Variants in RMC1 observed in about 807,000 individuals in gnomAD.
The protein encoded by RMC1 is regulator of MON1-CCZ1 complex.
RMC1 carries 44 observed loss-of-function variants against 95.5 expected under a neutral mutation model. The ratio of observed to expected loss-of-function variants is 0.46; its 90% CI spans 0.36 to 0.59. RMC1 has a LOEUF of 0.59. Among genes scored for constraint, RMC1 ranks in the 20% least tolerant of loss-of-function variants. The probability of loss-of-function intolerance (pLI) is 0.00; values close to 1 mark genes in which losing one functional copy is unlikely to be tolerated. For synonymous variants in RMC1, 320 were observed against 303.6 expected, an observed-to-expected ratio of 1.05 and a Z score of -0.56; for missense variants, 705 against 819.6, an observed-to-expected ratio of 0.86 and a Z score of 1.71.
Position 23,529,871 on chromosome 18 carries a change from A to ACGG in RMC1, c.1495-157_1495-156insCGG, listed in dbSNP as rs2058437185. On this transcript the variant is annotated intron_variant, in intron 16 of 19. Coordinates refer to ENST00000269221, the MANE Select transcript of RMC1 (RefSeq NM_013326.5). Reference sequence around the variant, plus strand: ...CATTATTAGTTGGAATGGGAAGTGTAAGGTCAAGTTGGGGTCTTTACCTGC... The same window carrying ACGG: ...CATTATTAGTTGGAATGGGAAGTGTACGGAGGTCAAGTTGGGGTCTTTACCTGC... 1.1e-5 allele frequency: 11 copies of ACGG among 1,034,196 alleles called. No individual in the cohort carries two copies. The Admixed American group carries it at 1.8e-4, about 17-fold the overall frequency. The allele number at this position is 1,034,196 out of a possible 1,614,324, so 64.1% of individuals were successfully genotyped here.
At chr18:23,520,437 T>A in intron 10 of RMC1, 124 bp downstream of exon 10, 1 of 825,426 alleles carries the variant, frequency 1.2e-6, no homozygotes, top group Non-Finnish European at 1.9e-6. Flanking sequence ...CAGATCTGTC[T>A]GATTTTGCCA....
At chr18:23,503,751 C>G in intron 1 of RMC1, 31 bp downstream of exon 1, 1 of 1,568,894 alleles carries the variant, frequency 6.4e-7, no homozygotes, top group Non-Finnish European at 8.7e-7. Flanking sequence ...CTCCCCCGCG[C>G]GGCCCTGCCG....
intron 10 of RMC1, among the ~76,000 whole-genome samples, chr18:23,522,103 G>A (rs2145223729): frequency 6.6e-6 from 1 of 152,362 alleles, no homozygotes; most frequent in South Asian, 2.1e-4. Flanking sequence ...TTCAGCAAGA[G>A]CACCATTGTC....
chr18:23,529,798 G>A (rs1327546047), intron 16 of RMC1, 86 bp downstream of exon 16: 5 of 1,311,750 alleles, frequency 3.8e-6, no homozygotes, highest in Admixed American at 3.6e-5. Flanking sequence ...TGACTCATAT[G>A]CTAAGACAGG....
intron 3 of RMC1, among the ~76,000 whole-genome samples, chr18:23,507,428 G>T (rs2057743883): frequency 1.3e-5 from 2 of 152,114 alleles, no homozygotes; most frequent in Admixed American, 1.3e-4. Context: ...TGTGTCTTTT[G>T]TATTGCTTGA....
At chr18:23,503,763 G>C (rs778184855) in intron 1 of RMC1, 43 bp downstream of exon 1, 5 of 1,554,770 alleles carry the variant, frequency 3.2e-6, no homozygotes, top group African/African-American at 2.9e-5. Context: ...GCCCTGCCGG[G>C]GTCGTGGGCG....
At chr18:23,517,041 A>T (rs910497928) in intron 7 of RMC1, among the ~76,000 whole-genome samples, 11 of 151,994 alleles carry the variant, frequency 7.2e-5, no homozygotes, top group Admixed American at 3.9e-4. Context: ...TATTTTTTTT[A>T]AAAGCTCAGT....
At chr18:23,518,488 T>C (rs565773784) in intron 7 of RMC1, among the ~76,000 whole-genome samples, 1 of 152,082 alleles carries the variant, frequency 6.6e-6, no homozygotes, top group South Asian at 2.1e-4. Flanking sequence ...AGGGAGACCC[T>C]GTCTCTGAAA....
At chr18:23,508,071 G>A in intron 4 of RMC1, 30 bp downstream of exon 4, 1 of 1,586,836 alleles carries the variant, frequency 6.3e-7, no homozygotes, top group Non-Finnish European at 8.6e-7. Context: ...CTCAGCTGCT[G>A]GTGTCAGTGG....
chr18:23,503,800 G>A, intron 1 of RMC1, 80 bp downstream of exon 1: 1 of 1,238,962 alleles, frequency 8.1e-7, no homozygotes, highest in Non-Finnish European at 1.1e-6. Flanking sequence ...GCGCGACCAG[G>A]CCCGAGCGTC....
intron 10 of RMC1, among the ~76,000 whole-genome samples, chr18:23,522,090 A>C (rs766310263): frequency 4.6e-5 from 7 of 152,198 alleles, no homozygotes; most frequent in Non-Finnish European, 7.3e-5. Flanking sequence ...CTCTGGCTGA[A>C]AGTTCAGCAA....
At chr18:23,508,663 CTT>C (rs2057772654) in intron 4 of RMC1, 1 of 152,342 alleles carries the variant, frequency 6.6e-6, no homozygotes, top group Non-Finnish European at 1.5e-5. Context: ...AGGGCGGACT[CTT>C]TGGTGAGGAG....
intron 2 of RMC1, among the ~76,000 whole-genome samples, chr18:23,506,002 A>G (rs1265599060): frequency 2.0e-5 from 3 of 152,132 alleles, no homozygotes; most frequent in African/African-American, 4.8e-5. Flanking sequence ...CCCTGTCTCT[A>G]CTAAAAATAC....
chr18:23,529,926 CTT>C (rs1157675333), intron 16 of RMC1, 100 bp from the exon 17 acceptor site: 4 of 1,196,110 alleles, frequency 3.3e-6, no homozygotes, highest in Non-Finnish European at 3.6e-6. Context: ...TAATGACAGA[CTT>C]TTACTGTGTT....
rs774120300 is a variant in RMC1 at position 23,527,826 on chromosome 18, C to T, written c.1221C>T (p.Pro407=). Residue 407 remains proline (P), a synonymous_variant, in exon 14 of 20, where the codon CCC becomes CCT. Coordinates refer to ENST00000269221, the MANE Select transcript of RMC1 (RefSeq NM_013326.5). ...GTGAGTCAGACAGAGCATCGCTGCC[C>T]GTGATAGCCACTGTTTTTGATAAAC... ...MLSESDRASL[P]VIATVFDKLN... 11 of 1,613,866 alleles carry T rather than the reference C, an allele frequency of 6.8e-6. No individual in the cohort carries two copies. Among genetic ancestry groups the T allele is most frequent in the Admixed American group, 3.3e-5 (2 of 59,970 alleles).
chr18:23,504,472 C>A, intron 2 of RMC1, 25 bp downstream of exon 2: 3 of 1,551,476 alleles, frequency 1.9e-6, no homozygotes, highest in South Asian at 2.2e-5. Context: ...ACTTTCAGAT[C>A]ATTTTGTCAT....
At chr18:23,513,852 A>G (rs189715140) in intron 5 of RMC1, among the ~76,000 whole-genome samples, 63 of 152,328 alleles carry the variant, frequency 4.1e-4, no homozygotes, top group Admixed American at 4.0e-3. Flanking sequence ...AATTCGGGTC[A>G]TTGTGCCTAT....
At chr18:23,529,409 T>TTCAA in intron 15 of RMC1, 111 bp downstream of exon 15, 1 of 1,462,222 alleles carries the variant, frequency 6.8e-7, no homozygotes, top group Non-Finnish European at 9.0e-7. Context: ...TTAGAATCAC[T>TTCAA]GGAGTTTCCT....
intron 12 of RMC1, 140 bp downstream of exon 12, chr18:23,524,622 T>TC (rs1810379035): frequency 9.0e-6 from 7 of 778,562 alleles, no homozygotes; most frequent in Admixed American, 2.6e-5. Flanking sequence ...TTTTTTTTTT[T>TC]CACTTTATAC....
Sources: gnomAD v4.1 joint callset for allele counts (sites outside exome capture counted in the v4.1 genomes callset) on GRCh38, gnomAD v4.1.1 for gene constraint, MANE v1.5 for transcripts, NCBI Gene and HGNC (gene_info 2026-07-23, HGNC 2026-07-21) for gene names.